Variants in HECW1 observed in about 807,000 individuals in gnomAD.
HECW1 encodes the protein E3 ubiquitin-protein ligase HECW1.
Under a neutral mutation model 182.3 loss-of-function variants are expected in HECW1, and 61 were observed. That is an observed-to-expected ratio of 0.33 (90% CI 0.27 to 0.41). The LOEUF (loss-of-function observed/expected upper bound fraction) is 0.41. HECW1 is among the 10% of genes least tolerant of loss of function. HECW1 has a pLI of 1.00. For missense variants in HECW1, 1,739 were observed against 2,108.9 expected, an observed-to-expected ratio of 0.82 and a Z score of 3.44; for synonymous variants, 859 against 832.6, an observed-to-expected ratio of 1.03 and a Z score of -0.55.
intron 5 of HECW1, among the ~76,000 whole-genome samples, chr7:43,356,971 C>T (rs1815226398): frequency 6.6e-6 from 1 of 151,846 alleles, no homozygotes; most frequent in Non-Finnish European, 1.5e-5. Context: ...GACAAATGGC[C>T]AACAGATGCA....
chr7:43,565,858 T>C lies in HECW1; in HGVS notation c.*3932T>C, dbSNP rs1481710435. On this transcript the variant is annotated 3_prime_UTR_variant, in exon 30 of 30. Coordinates refer to ENST00000395891, the MANE Select transcript of HECW1 (RefSeq NM_015052.5). ...ACAACAATTTTGTTCAAAAGTCTGT[T>C]CTAGTCAATAGCAGGAGAAGTCCAC... 4 of 189,542 alleles carry C rather than the reference T, an allele frequency of 2.1e-5. No homozygotes were observed. Among genetic ancestry groups the C allele is most frequent in the African/African-American group, 9.3e-5 (4 of 42,844 alleles). 11.7% of individuals were successfully genotyped at this position (189,542 alleles called of 1,614,324 possible). A position where few individuals can be genotyped will look rare whatever the true frequency, so the allele number is the denominator to read the frequency against.
intron 2 of HECW1, among the ~76,000 whole-genome samples, chr7:43,154,301 C>T (rs1789648721): frequency 6.6e-6 from 1 of 152,112 alleles, no homozygotes; most frequent in South Asian, 2.1e-4. Flanking sequence ...GGAAGATGTA[C>T]TTCCTGTTTA....
At chr7:43,292,453 T>A (rs1270833468) in intron 3 of HECW1, among the ~76,000 whole-genome samples, 1 of 152,220 alleles carries the variant, frequency 6.6e-6, no homozygotes, top group Non-Finnish European at 1.5e-5. Flanking sequence ...GGTGTAGTTA[T>A]AAGAACAACT....
intron 3 of HECW1, among the ~76,000 whole-genome samples, chr7:43,266,028 CT>C (rs1278461005): frequency 2.0e-5 from 3 of 152,146 alleles, no homozygotes; most frequent in Non-Finnish European, 2.9e-5. Context: ...GGGAGCACCC[CT>C]GGGCCACATC....
At chr7:43,360,464 C>T (rs1815727655) in intron 5 of HECW1, among the ~76,000 whole-genome samples, 1 of 152,120 alleles carries the variant, frequency 6.6e-6, no homozygotes, top group Non-Finnish European at 1.5e-5. Flanking sequence ...ATGCCTCTCT[C>T]CTATGTACTT....
At chr7:43,459,889 C>G (rs2077524231) in intron 13 of HECW1, among the ~76,000 whole-genome samples, 1 of 152,148 alleles carries the variant, frequency 6.6e-6, no homozygotes, top group Admixed American at 6.5e-5. Flanking sequence ...TATGCATGCA[C>G]AATTCTTACA....
intron 17 of HECW1, among the ~76,000 whole-genome samples, chr7:43,488,205 G>T (rs1364158298): frequency 6.6e-6 from 1 of 151,754 alleles, no homozygotes; most frequent in Admixed American, 6.6e-5. Context: ...AACTACTCGG[G>T]AGGCTAAGGC....
chr7:43,132,946 A>G (rs1787121898), intron 2 of HECW1, among the ~76,000 whole-genome samples: 1 of 152,172 alleles, frequency 6.6e-6, no homozygotes, highest in African/African-American at 2.4e-5. Context: ...TTCATTATTA[A>G]ATAATAAGGG....
chr7:43,344,228 A>G (rs1813391542), intron 5 of HECW1, among the ~76,000 whole-genome samples: 1 of 151,676 alleles, frequency 6.6e-6, no homozygotes, highest in Non-Finnish European at 1.5e-5. Context: ...CTCTGATGGT[A>G]GTTTCTTTTG....
chr7:43,125,825 G>A (rs150533381), intron 2 of HECW1, among the ~76,000 whole-genome samples: 138 of 150,448 alleles, frequency 9.2e-4, no homozygotes, highest in Non-Finnish European at 1.4e-3. Flanking sequence ...GGAGCCAAGC[G>A]GCCTTTTGTA....
chr7:43,219,667 G>C (rs919002820), intron 2 of HECW1, among the ~76,000 whole-genome samples: 13 of 141,318 alleles, frequency 9.2e-5, no homozygotes, highest in Admixed American at 6.8e-4. Context: ...AACAGAACAG[G>C]ACAGGGATTT....
chr7:43,294,927 G>GTGTAAGATGTACATTGTATAATA (rs1346359286), intron 3 of HECW1, among the ~76,000 whole-genome samples: 1 of 152,148 alleles, frequency 6.6e-6, no homozygotes, highest in African/African-American at 2.4e-5. Flanking sequence ...CAATCTATAT[G>GTGTAAGATGTACATTGTATAATA]TGTAAGATGT....
intron 2 of HECW1, among the ~76,000 whole-genome samples, chr7:43,139,461 G>A (rs1277957836): frequency 1.3e-5 from 2 of 152,156 alleles, no homozygotes; most frequent in Non-Finnish European, 2.9e-5. Flanking sequence ...CAGGAAGACC[G>A]TGCTGTGAAT....
chr7:43,386,443 T>C (rs2074800850), intron 6 of HECW1, among the ~76,000 whole-genome samples: 1 of 151,690 alleles, frequency 6.6e-6, no homozygotes, highest in African/African-American at 2.4e-5. Flanking sequence ...CAGCCCAGAG[T>C]TTCTAACTAC....
At chr7:43,488,349 AG>A (rs1311763769) in intron 17 of HECW1, among the ~76,000 whole-genome samples, 2 of 98,346 alleles carry the variant, frequency 2.0e-5, no homozygotes, top group Non-Finnish European at 4.1e-5. Context: ...GAAGGAAGGA[AG>A]GAAGGAAGGA....
intron 7 of HECW1, among the ~76,000 whole-genome samples, chr7:43,402,141 C>T (rs1328272455): frequency 6.6e-6 from 1 of 152,136 alleles, no homozygotes; most frequent in Non-Finnish European, 1.5e-5. Flanking sequence ...ATTCACCATC[C>T]TTCAGGTCGG....
chr7:43,128,099 C>T (rs1022307835), intron 2 of HECW1, among the ~76,000 whole-genome samples: 10 of 152,048 alleles, frequency 6.6e-5, no homozygotes, highest in South Asian at 2.1e-4. Flanking sequence ...AGGCTGGGCT[C>T]GAACTGCTGG....
In HECW1 at chr7:43,369,760, G is replaced by A. The variant is rs560049867; in HGVS notation, c.555+8780G>A. On this transcript the variant is annotated intron_variant, in intron 6 of 29. Coordinates refer to ENST00000395891, the MANE Select transcript of HECW1 (RefSeq NM_015052.5). ...CTTTTCTCTTCTTTCTCTGCAGCAG[G>A]GTCCAAATGTTGACTTCTCAGGGAT... is the stretch of plus-strand genomic sequence containing the variant. 3.9e-5 allele frequency among the ~76,000 whole-genome samples: 6 copies of A among 152,198 alleles called. No homozygotes were observed. The East Asian group carries it at 1.2e-3, about 29-fold the overall frequency.
At chr7:43,465,318 C>T (rs902336042) in intron 14 of HECW1, among the ~76,000 whole-genome samples, 1 of 152,232 alleles carries the variant, frequency 6.6e-6, no homozygotes, top group Non-Finnish European at 1.5e-5. Context: ...GAGCTGAGCT[C>T]AGCTGGGTGG....
Sources: allele counts gnomAD v4.1 joint callset (sites outside exome capture counted in the v4.1 genomes callset), GRCh38; gene constraint gnomAD v4.1.1; transcripts MANE v1.5; gene names NCBI Gene and HGNC (gene_info 2026-07-23, HGNC 2026-07-21).